Variants in PDCD2L observed in about 807,000 individuals in gnomAD.
The protein encoded by PDCD2L is programmed cell death 2 like.
A neutral mutation model predicts 40.4 loss-of-function variants in PDCD2L; 44 were observed. That is an observed-to-expected ratio of 1.09 (90% CI 0.86 to 1.40). The LOEUF (loss-of-function observed/expected upper bound fraction) is 1.40, where lower values mean the gene tolerates loss of function less well. Among genes scored for constraint, PDCD2L ranks in the 40% most tolerant of loss-of-function variants. The probability of loss-of-function intolerance (pLI) is 0.00; values close to 1 mark genes in which losing one functional copy is unlikely to be tolerated. For synonymous variants in PDCD2L, 194 were observed against 174.6 expected, an observed-to-expected ratio of 1.11 and a Z score of -0.88; for missense variants, 470 against 453.7, an observed-to-expected ratio of 1.04 and a Z score of -0.33.
rs1369795447 is a variant in PDCD2L, at chr19:34,413,834, GAGC to G, written c.787_789del (p.Gln263del). The G allele has an allele frequency of 2.5e-6, 4 of 1,591,328 alleles. No homozygotes were observed. The highest frequency in any genetic ancestry group is 3.4e-6 in the Non-Finnish European group (4 of 1,162,418). On this transcript the variant is annotated inframe_deletion, in exon 5 of 7. Coordinates refer to ENST00000246535, the MANE Select transcript of PDCD2L (RefSeq NM_032346.2). ...CATGAAGCGAATTGCTGCTTGTCAGGAGCAGATTTTGAGGTAAAAAAAGGCACA... is the reference window on the plus strand; with the variant it reads ...CATGAAGCGAATTGCTGCTTGTCAGGAGATTTTGAGGTAAAAAAAGGCACA...
chr19:34,418,952 ATTG>A (rs1175652656), intron 5 of PDCD2L, among the ~76,000 whole-genome samples: 1 of 152,084 alleles, frequency 6.6e-6, no homozygotes, highest in East Asian at 1.9e-4. Flanking sequence ...CTCTCACCAT[ATTG>A]TTTGTGTTAC....
intron 3 of PDCD2L, among the ~76,000 whole-genome samples, chr19:34,405,608 G>A (rs1043461366): frequency 2.6e-5 from 4 of 151,588 alleles, no homozygotes; most frequent in African/African-American, 9.7e-5. Context: ...GAGCTCAGAA[G>A]TTGGAGACCA....
intron 5 of PDCD2L, among the ~76,000 whole-genome samples, chr19:34,415,869 A>C (rs2145466466): frequency 6.6e-6 from 1 of 152,318 alleles, no homozygotes; most frequent in East Asian, 1.9e-4. Context: ...TGCAAGTTCT[A>C]ATTCCACAGG....
intron 3 of PDCD2L, among the ~76,000 whole-genome samples, chr19:34,408,664 G>C (rs1311228448): frequency 1.3e-5 from 2 of 152,196 alleles, no homozygotes; most frequent in Admixed American, 6.5e-5. Context: ...TGGTGAACTA[G>C]AGGCTGTCTT....
intron 6 of PDCD2L, among the ~76,000 whole-genome samples, chr19:34,422,997 C>T (rs971333254): frequency 2.0e-5 from 3 of 151,968 alleles, no homozygotes; most frequent in Non-Finnish European, 4.4e-5. Flanking sequence ...GGATTACAGG[C>T]GTGAGCTGCC....
Position 34,409,524 on chromosome 19 carries a change from CT to C in PDCD2L, c.686+15del. The C allele has an allele frequency of 6.2e-7, 1 of 1,604,366 alleles. No homozygotes were observed. The highest frequency in any genetic ancestry group is 1.3e-5 in the African/African-American group (1 of 74,882). On this transcript the variant is annotated intron_variant, in intron 4 of 6. Transcript: ENST00000246535. ...GCTTTCCCAAAGGTGAGGATGTGTGCTGCTGAGGTTGAGAGGTGACTGGATT... is the reference window on the plus strand; with the variant it reads ...GCTTTCCCAAAGGTGAGGATGTGTGCGCTGAGGTTGAGAGGTGACTGGATT...
rs1405533081 is a variant in PDCD2L at position 34,404,505 on chromosome 19, T to C, written c.75T>C (p.Gly25=). The change falls in exon 1 of 7, where the codon GGT becomes GGC. Residue 25 remains glycine (G), a synonymous_variant. Transcript: ENST00000246535. Reference sequence around the variant, plus strand: ...TGCACGGCAGCCCCACAGGGCCGGGTGCCTGGACTGCTAGCAAGCTGGGCG... The same window carrying C: ...TGCACGGCAGCCCCACAGGGCCGGGCGCCTGGACTGCTAGCAAGCTGGGCG... ...APVHGSPTGP[G]AWTASKLGGI... is the part of the protein sequence containing the mutation. The C allele has an allele frequency of 6.5e-7, 1 of 1,542,284 alleles. No homozygotes were observed. Among genetic ancestry groups the C allele is most frequent in the East Asian group, 2.4e-5 (1 of 40,954 alleles).
intron 5 of PDCD2L, among the ~76,000 whole-genome samples, chr19:34,414,915 C>G (rs1433522319): frequency 6.6e-6 from 1 of 151,624 alleles, no homozygotes; most frequent in Non-Finnish European, 1.5e-5. Flanking sequence ...AATCGATCCT[C>G]CCAAGTAGCT....
chr19:34,421,574 G>A lies in PDCD2L; in HGVS notation c.853G>A (p.Glu285Lys), dbSNP rs372971197. 19 of 1,613,950 alleles carry A rather than the reference G, an allele frequency of 1.2e-5. No individual in the cohort carries two copies. The highest frequency in any genetic ancestry group is 1.0e-4 in the Admixed American group (6 of 59,980). Residue 285 changes from glutamate to lysine, a missense_variant, in exon 6 of 7, where the codon GAG (glutamate) becomes AAG (lysine). Coordinates refer to ENST00000246535, the MANE Select transcript of PDCD2L (RefSeq NM_032346.2). Reference protein sequence around the residue: ...FLTCPTSEVTELPACSQCGGQ... With the variant: ...FLTCPTSEVTKLPACSQCGGQ... The stretch of plus-strand genomic sequence containing the variant: ...GACCTGCCCTACATCAGAAGTCACC[G>A]AGCTCCCAGCCTGCAGCCAGTGTGG...
chr19:34,406,134 C>G (rs955074920), intron 3 of PDCD2L, among the ~76,000 whole-genome samples: 1 of 152,224 alleles, frequency 6.6e-6, no homozygotes, highest in East Asian at 1.9e-4. Context: ...AAAGCCAGAC[C>G]CTGTCCCCTG....
intron 3 of PDCD2L, among the ~76,000 whole-genome samples, chr19:34,406,279 G>A (rs1470595820): frequency 6.6e-6 from 1 of 152,142 alleles, no homozygotes; most frequent in Non-Finnish European, 1.5e-5. Context: ...TGAATATCAT[G>A]TGGAATAATT....
chr19:34,418,021 T>A (rs1435166625), intron 5 of PDCD2L, among the ~76,000 whole-genome samples: 3 of 152,198 alleles, frequency 2.0e-5, no homozygotes, highest in African/African-American at 7.2e-5. Flanking sequence ...GAATTTGCAT[T>A]TTCCTAATAA....
At chr19:34,406,582 A>G (rs1236643001) in intron 3 of PDCD2L, among the ~76,000 whole-genome samples, 1 of 151,712 alleles carries the variant, frequency 6.6e-6, no homozygotes, top group Non-Finnish European at 1.5e-5. Flanking sequence ...TAGTAGAGAC[A>G]GGGTTTCACC....
At chr19:34,412,173 C>A (rs11882493) in intron 4 of PDCD2L, among the ~76,000 whole-genome samples, 1 of 151,388 alleles carries the variant, frequency 6.6e-6, no homozygotes, top group Non-Finnish European at 1.5e-5. Flanking sequence ...GTGCATACCA[C>A]CATGCCCAGC....
chr19:34,406,192 CT>C (rs966645805), intron 3 of PDCD2L, among the ~76,000 whole-genome samples: 13 of 148,936 alleles, frequency 8.7e-5, no homozygotes, highest in Admixed American at 4.7e-4. Flanking sequence ...ATTTCTTCAA[CT>C]TTTTTTTTTA....
intron 6 of PDCD2L, among the ~76,000 whole-genome samples, chr19:34,423,481 G>A (rs2075162131): frequency 6.7e-6 from 1 of 149,800 alleles, no homozygotes; most frequent in Non-Finnish European, 1.5e-5. Context: ...ACCGTGCCTG[G>A]ACCCAGTATC....
chr19:34,414,229 G>A (rs2075117187), intron 5 of PDCD2L, among the ~76,000 whole-genome samples: 1 of 151,590 alleles, frequency 6.6e-6, no homozygotes, highest in Admixed American at 6.6e-5. Context: ...AGGCTGGAGT[G>A]TAGTGGCGTG....
chr19:34,404,614 G>T, intron 1 of PDCD2L, 35 bp from the exon 2 acceptor site: 1 of 1,601,980 alleles, frequency 6.2e-7, no homozygotes, highest in Non-Finnish European at 8.5e-7. Flanking sequence ...GTCCTGGGGG[G>T]AGTCGGGGTC....
chr19:34,418,230 G>C (rs1039682864), intron 5 of PDCD2L, among the ~76,000 whole-genome samples: 1 of 152,328 alleles, frequency 6.6e-6, no homozygotes, highest in Admixed American at 6.5e-5. Context: ...AGTCAAGACA[G>C]TAAACATATT....
Sources: gnomAD v4.1 joint callset for allele counts (sites outside exome capture counted in the v4.1 genomes callset) on GRCh38, gnomAD v4.1.1 for gene constraint, MANE v1.5 for transcripts, NCBI Gene and HGNC (gene_info 2026-07-23, HGNC 2026-07-21) for gene names.